Variants in SPSB4 observed in about 807,000 individuals in gnomAD.
SPSB4 encodes SPRY domain-containing SOCS box protein 4.
Under a neutral mutation model 20.9 loss-of-function variants are expected in SPSB4, and 21 were observed. The observed-to-expected ratio is 1.01, with a 90% CI of 0.71 to 1.45. The LOEUF (loss-of-function observed/expected upper bound fraction) is 1.45. Ranked by LOEUF, SPSB4 falls within the 40% of genes most tolerant of loss-of-function variation. The probability of loss-of-function intolerance (pLI) is 0.00; values close to 1 mark genes in which losing one functional copy is unlikely to be tolerated. For synonymous variants in SPSB4, 207 were observed against 183.8 expected (o/e 1.13, Z -1.02); for missense variants, 399 against 399.2 (o/e 1.00, Z 0.00).
chr3:141,066,058 C>T lies in SPSB4; in HGVS notation c.-47C>T. Reference sequence around the variant, plus strand: ...TCCTGGCTACGGGGAGTGGAGGCTCCCACGAGGTAGCGGTGGCCTGCAGCG... The same window carrying T: ...TCCTGGCTACGGGGAGTGGAGGCTCTCACGAGGTAGCGGTGGCCTGCAGCG... On this transcript the variant is annotated 5_prime_UTR_variant, in exon 2 of 3. Coordinates refer to ENST00000310546, the MANE Select transcript of SPSB4 (RefSeq NM_080862.3). The T allele has an allele frequency of 6.9e-7, 1 of 1,443,242 alleles. No individual in the cohort carries two copies. Among genetic ancestry groups the T allele is most frequent in the Non-Finnish European group, 9.1e-7 (1 of 1,104,824 alleles). 89.4% of individuals were successfully genotyped at this position (1,443,242 alleles called of 1,614,324 possible). A position where few individuals can be genotyped will look rare whatever the true frequency, so the allele number is the denominator to read the frequency against.
intron 2 of SPSB4, among the ~76,000 whole-genome samples, chr3:141,089,260 G>A (rs1486354016): frequency 2.6e-5 from 4 of 152,186 alleles, no homozygotes; most frequent in African/African-American, 4.8e-5. Context: ...CATCTGCACC[G>A]GGAGGCCAGA....
rs763825766 is a variant in SPSB4 at position 141,066,167 on chromosome 3, G to T, written c.63G>T (p.Pro21=). ...SVEVREPALR[P]AKRELRGAEP... ...AGGTGCGAGAGCCGGCGCTGCGGCC[G>T]GCCAAGCGGGAGCTGCGGGGTGCAG... The change falls in exon 2 of 3, where the codon CCG becomes CCT. Residue 21 remains proline (P), a synonymous_variant. Coordinates refer to ENST00000310546, the MANE Select transcript of SPSB4 (RefSeq NM_080862.3). 4 of 1,532,586 alleles carry T rather than the reference G, an allele frequency of 2.6e-6. No individual in the cohort carries two copies. Among genetic ancestry groups the T allele is most frequent in the Non-Finnish European group, 3.5e-6 (4 of 1,141,838 alleles). 94.9% of individuals were successfully genotyped at this position (1,532,586 alleles called of 1,614,324 possible).
intron 1 of SPSB4, among the ~76,000 whole-genome samples, chr3:141,065,380 C>T (rs887900118): frequency 6.6e-6 from 1 of 152,172 alleles, no homozygotes; most frequent in Non-Finnish European, 1.5e-5. Flanking sequence ...GTTATTTAGG[C>T]TCCCCAGGAC....
At chr3:141,080,476 G>A (rs1312448635) in intron 2 of SPSB4, 1 of 152,438 alleles carries the variant, frequency 6.6e-6, no homozygotes, top group Non-Finnish European at 1.5e-5. Context: ...CCTGGGGCAA[G>A]TGAGTGACCC....
At chr3:141,126,540 T>A (rs1003461645) in intron 2 of SPSB4, among the ~76,000 whole-genome samples, 1 of 151,968 alleles carries the variant, frequency 6.6e-6, no homozygotes, top group Non-Finnish European at 1.5e-5. Context: ...ATCCCAAGAG[T>A]GATATTTTTC....
chr3:141,053,025 G>A (rs2107772505), intron 1 of SPSB4, among the ~76,000 whole-genome samples: 1 of 152,318 alleles, frequency 6.6e-6, no homozygotes, highest in East Asian at 1.9e-4. Context: ...CTCAGTTCTG[G>A]AGTCAGGCTT....
chr3:141,145,978 A>G (rs1939406973), intron 2 of SPSB4, among the ~76,000 whole-genome samples: 1 of 152,174 alleles, frequency 6.6e-6, no homozygotes, highest in African/African-American at 2.4e-5. Flanking sequence ...TATATAAGAA[A>G]TTCCCAGTTT....
chr3:141,059,673 C>T (rs1362935089), intron 1 of SPSB4, among the ~76,000 whole-genome samples: 1 of 152,132 alleles, frequency 6.6e-6, no homozygotes, highest in African/African-American at 2.4e-5. Context: ...TGAGCAGGGA[C>T]AAATATCCAA....
At chr3:141,134,057 T>TTC (rs1939185741) in intron 2 of SPSB4, among the ~76,000 whole-genome samples, 6 of 64,090 alleles carry the variant, frequency 9.4e-5, no homozygotes, top group East Asian at 4.4e-4. Context: ...TTCTTTTTTC[T>TTC]TTTTTTTTTT....
intron 2 of SPSB4, among the ~76,000 whole-genome samples, chr3:141,067,218 C>T (rs1937905853): frequency 6.6e-6 from 1 of 152,176 alleles, no homozygotes. Context: ...TGACAAGTCC[C>T]CAGTCCCTGC....
chr3:141,109,806 C>T (rs1359943159), intron 2 of SPSB4, among the ~76,000 whole-genome samples: 1 of 152,138 alleles, frequency 6.6e-6, no homozygotes, highest in Non-Finnish European at 1.5e-5. Context: ...TTATTTTGAG[C>T]CCCAATTAAG....
At chr3:141,096,875 CAT>C (rs1489502444) in intron 2 of SPSB4, among the ~76,000 whole-genome samples, 2 of 152,254 alleles carry the variant, frequency 1.3e-5, no homozygotes. Flanking sequence ...TTGAAAAACA[CAT>C]AGTCCAGAGC....
intron 2 of SPSB4, among the ~76,000 whole-genome samples, chr3:141,075,223 C>T (rs1938083550): frequency 6.6e-6 from 1 of 151,678 alleles, no homozygotes; most frequent in Admixed American, 6.5e-5. Context: ...GTTGGAGGGA[C>T]TTTCTGAGGG....
intron 2 of SPSB4, among the ~76,000 whole-genome samples, chr3:141,123,834 C>A (rs1287060362): frequency 1.3e-5 from 2 of 152,220 alleles, no homozygotes; most frequent in Non-Finnish European, 2.9e-5. Flanking sequence ...GACACTCTCC[C>A]CATGTGACAA....
intron 2 of SPSB4, among the ~76,000 whole-genome samples, chr3:141,146,845 T>C (rs1576546794): frequency 6.6e-6 from 1 of 152,114 alleles, no homozygotes; most frequent in East Asian, 1.9e-4. Context: ...AAACAATATT[T>C]ATCCTTGCTA....
intron 2 of SPSB4, among the ~76,000 whole-genome samples, chr3:141,142,736 A>G (rs934135207): frequency 3.5e-5 from 5 of 142,672 alleles, no homozygotes; most frequent in Non-Finnish European, 6.0e-5. Context: ...AGGTACATAT[A>G]TATTTAGGAT....
At chr3:141,059,553 G>A (rs1937724532) in intron 1 of SPSB4, among the ~76,000 whole-genome samples, 2 of 152,062 alleles carry the variant, frequency 1.3e-5, no homozygotes, top group African/African-American at 2.4e-5. Context: ...CCAGAACTCA[G>A]TCACTATCCC....
intron 2 of SPSB4, among the ~76,000 whole-genome samples, chr3:141,103,511 A>G (rs1035153950): frequency 1.3e-5 from 2 of 152,224 alleles, no homozygotes; most frequent in Non-Finnish European, 2.9e-5. Context: ...GGAAGGAATC[A>G]GCTTCTGTCC....
At chr3:141,071,429 C>T (rs1013355281) in intron 2 of SPSB4, among the ~76,000 whole-genome samples, 2 of 152,110 alleles carry the variant, frequency 1.3e-5, no homozygotes, top group African/African-American at 4.8e-5. Context: ...ATTGATGACA[C>T]TTTTGTTGGC....
Sources: gnomAD v4.1 joint callset for allele counts (sites outside exome capture counted in the v4.1 genomes callset) on GRCh38, gnomAD v4.1.1 for gene constraint, MANE v1.5 for transcripts, NCBI Gene and HGNC (gene_info 2026-07-23, HGNC 2026-07-21) for gene names.